The following KPNA6 variants were observed in gnomAD, a reference collection of about 807,000 sequenced individuals.
KPNA6 encodes karyopherin subunit alpha 6, also known as importin subunit alpha-7.
Under a neutral mutation model 72.0 loss-of-function variants are expected in KPNA6, and 9 were observed. That is an observed-to-expected ratio of 0.13 (90% CI 0.08 to 0.22). KPNA6 has a LOEUF of 0.22. Ranked by LOEUF, KPNA6 falls within the 10% of genes least tolerant of loss-of-function variation. KPNA6 has a pLI of 1.00. For missense variants in KPNA6, 374 were observed against 655.7 expected, an observed-to-expected ratio of 0.57 and a Z score of 4.69; for synonymous variants, 219 against 242.1, an observed-to-expected ratio of 0.90 and a Z score of 0.89.
intron 1 of KPNA6, among the ~76,000 whole-genome samples, chr1:32,147,650 C>CT (rs915571659): frequency 0.019 from 1,543 of 81,870 alleles, 175 homozygotes; most frequent in African/African-American, 0.036. Flanking sequence ...GATTTCTTTT[C>CT]TTTTTTTTTT....
intron 1 of KPNA6, among the ~76,000 whole-genome samples, chr1:32,126,969 A>G (rs765022112): frequency 1.3e-5 from 2 of 152,106 alleles, no homozygotes; most frequent in Non-Finnish European, 2.9e-5. Context: ...TTTCCCTTAT[A>G]AGGAATTTAG....
At chr1:32,157,519 T>TA in intron 4 of KPNA6, 74 bp downstream of exon 4, 6 of 1,066,394 alleles carry the variant, frequency 5.6e-6, no homozygotes, top group Non-Finnish European at 8.6e-6. Flanking sequence ...GTCATCAACT[T>TA]ACACGTGCCC....
chr1:32,162,094 A>G lies in KPNA6; in HGVS notation c.747+48A>G, dbSNP rs752388892. The G allele has an allele frequency of 1.4e-5, 21 of 1,464,084 alleles. No homozygotes were observed. The East Asian group carries it at 3.9e-4, about 27-fold the overall frequency. 90.7% of individuals were successfully genotyped at this position (1,464,084 alleles called of 1,614,324 possible). A position where few individuals can be genotyped will look rare whatever the true frequency, so the allele number is the denominator to read the frequency against. ...CCTGAGTGACATCAGGTTCCTTCAT[A>G]TGGAGTTTTTAAGTCTTTGGGATAC... On this transcript the variant is annotated intron_variant, in intron 8 of 13. Transcript: ENST00000373625.
At chr1:32,110,056 AT>A (rs750004100) in intron 1 of KPNA6, among the ~76,000 whole-genome samples, 2,632 of 118,286 alleles carry the variant, frequency 0.022, 87 homozygotes, top group East Asian at 0.18. Context: ...CTGGAATTGA[AT>A]TTTTTTTTTT....
intron 1 of KPNA6, among the ~76,000 whole-genome samples, chr1:32,131,862 G>A (rs1004211646): frequency 6.6e-6 from 1 of 151,786 alleles, no homozygotes; most frequent in Non-Finnish European, 1.5e-5. Context: ...AGGGAATCCA[G>A]CCTGGTCTCC....
Position 32,176,411 on chromosome 1 carries a change from G to A in KPNA6, c.*5517G>A, listed in dbSNP as rs1642528159. 1 of 152,336 alleles carries A rather than the reference G, an allele frequency of 6.6e-6. No individual in the cohort carries two copies. Among genetic ancestry groups the A allele is most frequent in the Non-Finnish European group, 1.5e-5 (1 of 68,032 alleles). The allele number at this position is 152,336 out of a possible 1,614,324, so 9.4% of individuals were successfully genotyped here. On this transcript the variant is annotated 3_prime_UTR_variant, in exon 14 of 14. Coordinates refer to ENST00000373625, the MANE Select transcript of KPNA6 (RefSeq NM_012316.5). ...TAGACAGACACAGCTTGATTTCAGA[G>A]CAGACATAGGCGAAGAAAACATGGC...
At chr1:32,149,015 C>T (rs1319692812) in intron 1 of KPNA6, among the ~76,000 whole-genome samples, 1 of 152,014 alleles carries the variant, frequency 6.6e-6, no homozygotes, top group East Asian at 1.9e-4. Context: ...TAATGGTATT[C>T]CATGGGTCCA....
At chr1:32,149,847 A>G (rs756337728) in intron 1 of KPNA6, among the ~76,000 whole-genome samples, 61 of 152,244 alleles carry the variant, frequency 4.0e-4, no homozygotes, top group Middle Eastern at 3.4e-3. Context: ...TTCAAAAAGT[A>G]TCTTTGTTGG....
At chr1:32,158,442 A>C (rs1256736027) in intron 5 of KPNA6, 81 bp downstream of exon 5, 1 of 803,704 alleles carries the variant, frequency 1.2e-6, no homozygotes, top group Non-Finnish European at 2.1e-6. Flanking sequence ...TATGGGATAC[A>C]TGAGATGTTT....
In KPNA6 at chr1:32,132,051, A is replaced by G. The variant is rs1641647877; in HGVS notation, c.5-22537A>G. On this transcript the variant is annotated intron_variant, in intron 1 of 13. Coordinates refer to ENST00000373625, the MANE Select transcript of KPNA6 (RefSeq NM_012316.5). The stretch of plus-strand genomic sequence containing the variant: ...AGTGGCGTAATCTCGGCTCACTGCA[A>G]CCTCCGCTTTCCAGGTAGAAGCAAT... 2.7e-5 allele frequency among the ~76,000 whole-genome samples: 4 copies of G among 149,744 alleles called. No individual in the cohort carries two copies. In the South Asian group the frequency reaches 8.5e-4, roughly 32 times the overall value.
intron 12 of KPNA6, among the ~76,000 whole-genome samples, chr1:32,167,525 C>T (rs1642361414): frequency 6.6e-6 from 1 of 152,000 alleles, no homozygotes; most frequent in South Asian, 2.1e-4. Flanking sequence ...TAACAGTTTA[C>T]CAGTTTTCCC....
At chr1:32,160,106 G>A (rs1642210741) in intron 6 of KPNA6, among the ~76,000 whole-genome samples, 1 of 152,112 alleles carries the variant, frequency 6.6e-6, no homozygotes, top group South Asian at 2.1e-4. Flanking sequence ...AGACCAGCCT[G>A]ACCAACATGG....
At chr1:32,111,019 C>A (rs1019341371) in intron 1 of KPNA6, among the ~76,000 whole-genome samples, 3 of 152,168 alleles carry the variant, frequency 2.0e-5, no homozygotes, top group African/African-American at 7.2e-5. Context: ...TTCCAGGTTT[C>A]CCTATTGAGT....
Position 32,171,104 on chromosome 1 carries a change from G to A in KPNA6, c.*210G>A. 1 of 562,176 alleles carries A rather than the reference G, an allele frequency of 1.8e-6. No homozygotes were observed. Among genetic ancestry groups the A allele is most frequent in the South Asian group, 2.4e-5 (1 of 41,668 alleles). 34.8% of individuals were successfully genotyped at this position (562,176 alleles called of 1,614,324 possible). ...CATCTGAGGCTCACCTTTGGGTTTT[G>A]TGACAAGAAGGGGACGTGTTGGGTT... On this transcript the variant is annotated 3_prime_UTR_variant, in exon 14 of 14. Transcript: ENST00000373625.
intron 1 of KPNA6, among the ~76,000 whole-genome samples, chr1:32,150,228 G>T (rs1159211233): frequency 1.3e-5 from 2 of 150,174 alleles, no homozygotes; most frequent in Non-Finnish European, 3.0e-5. Flanking sequence ...CGCCTCCCGG[G>T]TTCAAGTGAT....
At chr1:32,135,578 C>T (rs950849219) in intron 1 of KPNA6, among the ~76,000 whole-genome samples, 28 of 151,318 alleles carry the variant, frequency 1.9e-4, no homozygotes, top group African/African-American at 6.8e-4. Context: ...AGTGATCCAC[C>T]CACTTCAGCC....
intron 1 of KPNA6, among the ~76,000 whole-genome samples, chr1:32,144,851 T>C (rs556916333): frequency 2.0e-5 from 3 of 152,148 alleles, no homozygotes; most frequent in African/African-American, 4.8e-5. Context: ...GATTTCTCCA[T>C]GTTGGCCAGG....
chr1:32,141,375 C>CTTTTTTT lies in KPNA6; in HGVS notation c.5-13179_5-13173dup, dbSNP rs71006334. ...AGGGCTTTTTTTTTTTAAGTTAATC[C>CTTTTTTT]TTTTTTTTTTTTTTTTTTTTTTTTT... On this transcript the variant is annotated intron_variant, in intron 1 of 13. Coordinates refer to ENST00000373625, the MANE Select transcript of KPNA6 (RefSeq NM_012316.5). Among the ~76,000 whole-genome samples the CTTTTTTT allele has an allele frequency of 1.8e-3, 100 of 54,458 alleles. 29 individuals are homozygous for CTTTTTTT. Among genetic ancestry groups the CTTTTTTT allele is most frequent in the Non-Finnish European group, 2.8e-3 (71 of 25,158 alleles). The allele number at this position is 54,458 out of a possible 152,430, so 35.7% of individuals were successfully genotyped here. A position where few individuals can be genotyped will look rare whatever the true frequency, so the allele number is the denominator to read the frequency against.
At chr1:32,157,469 A>C (rs1269884760) in intron 4 of KPNA6, 24 bp downstream of exon 4, 2 of 1,541,562 alleles carry the variant, frequency 1.3e-6, no homozygotes, top group Admixed American at 3.3e-5. Flanking sequence ...CCCTTGTCAG[A>C]GAGGCCTTAT....
Sources: gnomAD v4.1 joint callset for allele counts (sites outside exome capture counted in the v4.1 genomes callset) on GRCh38, gnomAD v4.1.1 for gene constraint, MANE v1.5 for transcripts, NCBI Gene and HGNC (gene_info 2026-07-23, HGNC 2026-07-21) for gene names.